FAM13A: variants seen among roughly 807,000 people sequenced by gnomAD.
FAM13A encodes family with sequence similarity 13 member A, also known as protein FAM13A.
In FAM13A, 76 loss-of-function variants were observed where a neutral mutation model predicts 129.6. The ratio of observed to expected loss-of-function variants is 0.59; its 90% CI spans 0.49 to 0.71. The LOEUF (loss-of-function observed/expected upper bound fraction) is 0.71, where lower values mean the gene tolerates loss of function less well. Ranked by LOEUF, FAM13A falls within the 30% of genes least tolerant of loss-of-function variation. The probability of loss-of-function intolerance (pLI) is 0.00; values close to 1 mark genes in which losing one functional copy is unlikely to be tolerated. For missense variants in FAM13A, 1,108 were observed against 1,249.3 expected, an observed-to-expected ratio of 0.89 and a Z score of 1.70; for synonymous variants, 443 against 449.9, an observed-to-expected ratio of 0.98 and a Z score of 0.20.
intron 5 of FAM13A, among the ~76,000 whole-genome samples, chr4:88,906,761 T>G (rs1748240712): frequency 6.6e-6 from 1 of 152,234 alleles, no homozygotes; most frequent in South Asian, 2.1e-4. Flanking sequence ...ACATATCCAG[T>G]ATAGACAGCT....
At chr4:88,973,887 C>T (rs1760511303) in intron 4 of FAM13A, among the ~76,000 whole-genome samples, 1 of 152,158 alleles carries the variant, frequency 6.6e-6, no homozygotes, top group South Asian at 2.1e-4. Context: ...GTTTTTCCTA[C>T]CCATACATGG....
At chr4:88,847,059 G>A (rs1736769625) in intron 7 of FAM13A, among the ~76,000 whole-genome samples, 1 of 152,108 alleles carries the variant, frequency 6.6e-6, no homozygotes, top group Non-Finnish European at 1.5e-5. Flanking sequence ...TGTCTCACAA[G>A]GAGGTAAATC....
intron 6 of FAM13A, among the ~76,000 whole-genome samples, chr4:88,903,838 C>A (rs1747694879): frequency 6.6e-6 from 1 of 152,234 alleles, no homozygotes; most frequent in Non-Finnish European, 1.5e-5. Context: ...AGTGAACACA[C>A]AACCTGCAGA....
chr4:88,857,661 A>T (rs1738772411), intron 6 of FAM13A, among the ~76,000 whole-genome samples: 1 of 151,644 alleles, frequency 6.6e-6, no homozygotes, highest in African/African-American at 2.4e-5. Flanking sequence ...CTTATCTTGA[A>T]ATATAAGAGA....
Position 89,035,476 on chromosome 4 carries a change from AAAGG to A in FAM13A, c.28-5831_28-5828del, listed in dbSNP as rs377297276. Among the ~76,000 whole-genome samples the A allele has an allele frequency of 2.0e-3, 302 of 151,512 alleles. 1 individual carries two copies. The highest frequency in any genetic ancestry group is 6.7e-3 in the African/African-American group (277 of 41,370). ...AGGAAAGAAAGAAAGAAAAGAAAAG[AAAGG>A]AAGGAAGGAGGGGAGGGGAGGGAAG... On this transcript the variant is annotated intron_variant, in intron 1 of 23. Transcript: ENST00000264344.
chr4:88,935,533 A>AAAAACTGAACTCAT (rs1753708149), intron 5 of FAM13A, among the ~76,000 whole-genome samples: 1 of 152,136 alleles, frequency 6.6e-6, no homozygotes, highest in Admixed American at 6.6e-5. Context: ...TCATCCTTCC[A>AAAAACTGAACTCAT]AAAACTGAAC....
intron 4 of FAM13A, among the ~76,000 whole-genome samples, chr4:88,942,766 G>A (rs1195094057): frequency 2.6e-5 from 4 of 151,852 alleles, no homozygotes; most frequent in Admixed American, 1.3e-4. Context: ...CTAACTCTCC[G>A]AATTGCCTAT....
At chr4:88,749,699 T>G in intron 16 of FAM13A, 72 bp downstream of exon 16, 1 of 1,535,562 alleles carries the variant, frequency 6.5e-7, no homozygotes, top group Non-Finnish European at 8.9e-7. Context: ...TCGTCGTTTC[T>G]TTGAGTTGCT....
At chr4:88,932,584 T>C (rs1468658067) in intron 5 of FAM13A, among the ~76,000 whole-genome samples, 3 of 152,188 alleles carry the variant, frequency 2.0e-5, no homozygotes, top group Non-Finnish European at 4.4e-5. Context: ...GCTTAGGCTG[T>C]GGCCCTAAAT....
rs144398210 is a variant in FAM13A at position 89,026,519 on chromosome 4, T to G, written c.217+2941A>C. On this transcript the variant is annotated intron_variant, in intron 2 of 23. Transcript: ENST00000264344. ...AATTTATAAAAGAAAGAGGTTTAAC[T>G]AACTCACAGTTCAGCATGGCTGGGG... Among the ~76,000 whole-genome samples, 1,011 of 152,302 alleles carry G rather than the reference T, an allele frequency of 6.6e-3. 13 individuals carry two copies. Among genetic ancestry groups the G allele is most frequent in the African/African-American group, 0.023 (962 of 41,560 alleles).
chr4:88,837,020 G>C (rs1734933245), intron 7 of FAM13A, among the ~76,000 whole-genome samples: 1 of 151,686 alleles, frequency 6.6e-6, no homozygotes, highest in African/African-American at 2.4e-5. Context: ...TTGAAACGAA[G>C]TTTCACTCTT....
At position 88,985,899 on chromosome 4, in the gene FAM13A, A is replaced by G. The variant is rs190819490; in HGVS notation, c.605+5074T>C. Among the ~76,000 whole-genome samples, 1,322 of 152,034 alleles carry G rather than the reference A, an allele frequency of 8.7e-3. 10 individuals carry two copies. The highest frequency in any genetic ancestry group is 0.013 in the Non-Finnish European group (869 of 67,930). ...TCTCTAAGATTTGCAGATAAAAAGC[A>G]AAGTGAAGAACAGTGTAAGGAACAC... is the stretch of plus-strand genomic sequence containing the variant. On this transcript the variant is annotated intron_variant, in intron 4 of 23. Transcript: ENST00000264344.
intron 11 of FAM13A, among the ~76,000 whole-genome samples, chr4:88,777,343 T>G (rs1721961494): frequency 6.6e-6 from 1 of 152,112 alleles, no homozygotes; most frequent in Non-Finnish European, 1.5e-5. Context: ...TAGAGAAATG[T>G]GGAAGTGAAG....
chr4:88,728,399 G>A lies in FAM13A; in HGVS notation c.*134C>T. 1 of 1,039,452 alleles carries A rather than the reference G, an allele frequency of 9.6e-7. No individual in the cohort carries two copies. The highest frequency in any genetic ancestry group is 1.4e-6 in the Non-Finnish European group (1 of 711,194). The allele number at this position is 1,039,452 out of a possible 1,614,324, so 64.4% of individuals were successfully genotyped here. On this transcript the variant is annotated 3_prime_UTR_variant, in exon 24 of 24. Coordinates refer to ENST00000264344, the MANE Select transcript of FAM13A (RefSeq NM_014883.4). ...GCAGGCAATGGAAACAGGAGCCGAT[G>A]CCAAATGGTCTAGAGGCAGAAGGGC...
At chr4:88,840,938 AAAG>A (rs1735698932) in intron 7 of FAM13A, among the ~76,000 whole-genome samples, 3 of 152,196 alleles carry the variant, frequency 2.0e-5, no homozygotes, top group Admixed American at 2.0e-4. Context: ...TACACATGCA[AAAG>A]AATGAAACTA....
intron 4 of FAM13A, chr4:88,990,772 T>C (rs1762829994): frequency 1.6e-5 from 7 of 443,828 alleles, no homozygotes. Flanking sequence ...CAAATTATAG[T>C]TTTGTAAAAA....
chr4:88,899,860 C>T (rs555458211), intron 6 of FAM13A, among the ~76,000 whole-genome samples: 14 of 152,028 alleles, frequency 9.2e-5, no homozygotes, highest in African/African-American at 3.4e-4. Flanking sequence ...ATGTTGTAAC[C>T]CACTGCAAAG....
intron 4 of FAM13A, among the ~76,000 whole-genome samples, chr4:88,961,352 T>TC (rs1430563003): frequency 6.4e-5 from 3 of 46,860 alleles, no homozygotes; most frequent in Non-Finnish European, 1.2e-4. Context: ...TTTGCCTTTT[T>TC]TTTTTTTTTT....
At chr4:88,860,461 G>A (rs946614810) in intron 6 of FAM13A, among the ~76,000 whole-genome samples, 4 of 152,284 alleles carry the variant, frequency 2.6e-5, no homozygotes, top group African/African-American at 9.6e-5. Context: ...ATTATCTGGT[G>A]ATCTGTTTGC....
Sources: gnomAD v4.1 joint callset for allele counts (sites outside exome capture counted in the v4.1 genomes callset) on GRCh38, gnomAD v4.1.1 for gene constraint, MANE v1.5 for transcripts, NCBI Gene and HGNC (gene_info 2026-07-23, HGNC 2026-07-21) for gene names.